The following GALNT2 variants were observed in gnomAD, a reference collection of about 807,000 sequenced individuals.
The protein encoded by GALNT2 is polypeptide N-acetylgalactosaminyltransferase 2.
Under a neutral mutation model 81.4 loss-of-function variants are expected in GALNT2, and 31 were observed. The ratio of observed to expected loss-of-function variants is 0.38; its 90% CI spans 0.29 to 0.51. GALNT2 has a LOEUF of 0.51. Among genes scored for constraint, GALNT2 ranks in the 20% least tolerant of loss-of-function variants. The pLI, the probability that GALNT2 is intolerant of heterozygous loss-of-function variation, is 0.87. For missense variants in GALNT2, 629 were observed against 765.7 expected (o/e 0.82, Z 2.11); for synonymous variants, 303 against 287.4 (o/e 1.05, Z -0.55).
chr1:230,269,825 A>T (rs746139535), intron 14 of GALNT2, among the ~76,000 whole-genome samples: 2 of 152,170 alleles, frequency 1.3e-5, no homozygotes, highest in African/African-American at 2.4e-5. Context: ...AAAGCCCAAG[A>T]GGTCGAGGCT....
intron 1 of GALNT2, among the ~76,000 whole-genome samples, chr1:230,114,670 A>G (rs931120739): frequency 1.3e-5 from 2 of 152,190 alleles, no homozygotes; most frequent in Non-Finnish European, 2.9e-5. Context: ...CAGCTGACCC[A>G]GTAAACGCAC....
chr1:230,080,477 G>A (rs2102752773), intron 1 of GALNT2, among the ~76,000 whole-genome samples: 1 of 152,312 alleles, frequency 6.6e-6, no homozygotes, highest in East Asian at 1.9e-4. Flanking sequence ...CCAGCGGGAA[G>A]GTCTAGCATC....
chr1:230,094,074 T>C (rs1304664917), intron 1 of GALNT2, among the ~76,000 whole-genome samples: 1 of 152,008 alleles, frequency 6.6e-6, no homozygotes, highest in Non-Finnish European at 1.5e-5. Flanking sequence ...CAAACATCAC[T>C]GCAACCTCGA....
At chr1:230,106,886 A>C (rs1660560347) in intron 1 of GALNT2, among the ~76,000 whole-genome samples, 1 of 152,208 alleles carries the variant, frequency 6.6e-6, no homozygotes, top group African/African-American at 2.4e-5. Context: ...GTCATTAAAC[A>C]ATGCTGTGAA....
chr1:230,109,574 T>C (rs1660642737), intron 1 of GALNT2, among the ~76,000 whole-genome samples: 2 of 152,102 alleles, frequency 1.3e-5, no homozygotes, highest in Admixed American at 1.3e-4. Flanking sequence ...ACGCATGTAA[T>C]CCCAGCACTT....
At position 230,250,499 on chromosome 1, in the gene GALNT2, C is replaced by T. The variant is rs1665511483; in HGVS notation, c.948C>T (p.Phe316=). The part of the protein sequence containing the change: ...IAGGLFVMDK[F]YFEELGKYDM... Reference sequence around the variant, plus strand: ...GTGGGCTGTTTGTGATGGATAAGTTCTATTTTGAAGAACTGGGGAAGTACG... The same window carrying T: ...GTGGGCTGTTTGTGATGGATAAGTTTTATTTTGAAGAACTGGGGAAGTACG... Residue 316 remains phenylalanine (F), a synonymous_variant, in exon 10 of 16, where the codon TTC becomes TTT. Coordinates refer to ENST00000366672, the MANE Select transcript of GALNT2 (RefSeq NM_004481.5). The T allele has an allele frequency of 1.2e-6, 2 of 1,613,958 alleles. No individual in the cohort carries two copies. The highest frequency in any genetic ancestry group is 1.7e-6 in the Non-Finnish European group (2 of 1,179,940).
intron 2 of GALNT2, among the ~76,000 whole-genome samples, chr1:230,196,584 T>C (rs1289609297): frequency 6.6e-6 from 1 of 152,064 alleles, no homozygotes; most frequent in Non-Finnish European, 1.5e-5. Flanking sequence ...AACCCTAGGA[T>C]TGAGAGAGGG....
intron 1 of GALNT2, among the ~76,000 whole-genome samples, chr1:230,116,694 C>T (rs1660859183): frequency 6.6e-6 from 1 of 152,160 alleles, no homozygotes. Flanking sequence ...CAGTAGTAGT[C>T]TTTTGACAGG....
intron 2 of GALNT2, among the ~76,000 whole-genome samples, chr1:230,185,308 G>GCA (rs1663299891): frequency 1.4e-5 from 2 of 142,832 alleles, no homozygotes; most frequent in African/African-American, 5.1e-5. Context: ...GTGTGCGCGC[G>GCA]TGTGTGTGTG....
At position 230,249,182 on chromosome 1, in the gene GALNT2, A is replaced by G; in HGVS notation, c.818-2A>G. 1 of 1,614,010 alleles carries G rather than the reference A, an allele frequency of 6.2e-7. No individual in the cohort carries two copies. Among genetic ancestry groups the G allele is most frequent in the Non-Finnish European group, 8.5e-7 (1 of 1,179,930 alleles). On this transcript the variant is annotated splice_acceptor_variant, in intron 8 of 15. Transcript: ENST00000366672. LOFTEE classifies it high-confidence loss of function. ...CACCCTGTTTCTTTTCCTGGCTGGCAGGTTTTGATTGGAACTTGGTATTCA... is the reference window on the plus strand; with the variant it reads ...CACCCTGTTTCTTTTCCTGGCTGGCGGGTTTTGATTGGAACTTGGTATTCA...
rs530050171 is a variant in GALNT2 at position 230,219,118 on chromosome 1, T to G, written c.374+15828T>G. ...AACTGTTCCTTGGTGCCAAAAAGGT[T>G]GGGGACCGCTGGCTTAAGGGACACT... On this transcript the variant is annotated intron_variant, in intron 3 of 15. Coordinates refer to ENST00000366672, the MANE Select transcript of GALNT2 (RefSeq NM_004481.5). 3.1e-4 allele frequency among the ~76,000 whole-genome samples: 47 copies of G among 152,352 alleles called. 2 individuals carry two copies. In the South Asian group the frequency reaches 7.0e-3, roughly 23 times the overall value.
chr1:230,067,243 C>T lies in GALNT2; in HGVS notation c.-38C>T, dbSNP rs1483354449. On this transcript the variant is annotated 5_prime_UTR_variant, in exon 1 of 16. Coordinates refer to ENST00000366672, the MANE Select transcript of GALNT2 (RefSeq NM_004481.5). ...CCGCGGCCGGCCCAGGCAGCACTCG[C>T]GAGCAGCGGCGGCCCCGCCGGCGGC... 8 of 1,242,516 alleles carry T rather than the reference C, an allele frequency of 6.4e-6. No individual in the cohort carries two copies. The highest frequency in any genetic ancestry group is 3.0e-4 in the Middle Eastern group (1 of 3,322). 77.0% of individuals were successfully genotyped at this position (1,242,516 alleles called of 1,614,324 possible).
intron 1 of GALNT2, among the ~76,000 whole-genome samples, chr1:230,143,692 C>T (rs1455207243): frequency 6.6e-6 from 1 of 152,244 alleles, no homozygotes; most frequent in Non-Finnish European, 1.5e-5. Flanking sequence ...GCATTGAGTT[C>T]TTCCAGGCCT....
intron 1 of GALNT2, among the ~76,000 whole-genome samples, chr1:230,177,520 C>G (rs1053074516): frequency 6.6e-6 from 1 of 152,166 alleles, no homozygotes; most frequent in African/African-American, 2.4e-5. Context: ...GCTCTGTGGT[C>G]GTGCAGTTGT....
intron 1 of GALNT2, among the ~76,000 whole-genome samples, chr1:230,104,050 C>T (rs573366097): frequency 4.6e-5 from 7 of 152,142 alleles, no homozygotes; most frequent in East Asian, 1.9e-4. Flanking sequence ...TTACTGAGTG[C>T]GAGGCAGTCA....
At chr1:230,209,418 AT>A (rs1403721264) in intron 3 of GALNT2, among the ~76,000 whole-genome samples, 4 of 152,052 alleles carry the variant, frequency 2.6e-5, no homozygotes, top group Non-Finnish European at 5.9e-5. Context: ...GGAAAGAGAG[AT>A]TTTTTTCCCT....
intron 1 of GALNT2, among the ~76,000 whole-genome samples, chr1:230,101,420 C>T (rs10864688): frequency 0.39 from 59,465 of 152,142 alleles, 11,707 homozygotes; most frequent in South Asian, 0.53. Context: ...TCTGGTCACT[C>T]GTGTGCCCGT....
At chr1:230,189,120 C>T (rs544371029) in intron 2 of GALNT2, among the ~76,000 whole-genome samples, 7 of 152,308 alleles carry the variant, frequency 4.6e-5, no homozygotes, top group East Asian at 3.9e-4. Context: ...CTTTGGTCAA[C>T]GTGGCCTTTT....
chr1:230,253,512 T>A (rs961470489), intron 10 of GALNT2, among the ~76,000 whole-genome samples: 1 of 152,256 alleles, frequency 6.6e-6, no homozygotes, highest in Non-Finnish European at 1.5e-5. Flanking sequence ...CTGCACACTC[T>A]GTAGATACTA....
Sources: gnomAD v4.1 joint callset for allele counts (sites outside exome capture counted in the v4.1 genomes callset) on GRCh38, gnomAD v4.1.1 for gene constraint, MANE v1.5 for transcripts, NCBI Gene and HGNC (gene_info 2026-07-23, HGNC 2026-07-21) for gene names.